GRM8: variants seen among roughly 807,000 people sequenced by gnomAD.
The protein encoded by GRM8 is glutamate metabotropic receptor 8, also known as metabotropic glutamate receptor 8.
A neutral mutation model predicts 87.2 loss-of-function variants in GRM8; 47 were observed. The observed-to-expected ratio is 0.54, with a 90% CI of 0.43 to 0.69. The LOEUF (loss-of-function observed/expected upper bound fraction) is 0.69, where lower values mean the gene tolerates loss of function less well. GRM8 is among the 30% of genes least tolerant of loss of function. The pLI, the probability that GRM8 is intolerant of heterozygous loss-of-function variation, is 0.00. For synonymous variants in GRM8, 396 were observed against 404.5 expected, an observed-to-expected ratio of 0.98 and a Z score of 0.25; for missense variants, 1,019 against 1,139.2, an observed-to-expected ratio of 0.89 and a Z score of 1.52.
chr7:126,746,954 GTGT>G (rs1175071811), intron 7 of GRM8, among the ~76,000 whole-genome samples: 1 of 151,652 alleles, frequency 6.6e-6, no homozygotes, highest in African/African-American at 2.4e-5. Context: ...TGTAGTTACT[GTGT>G]TGTTAATGGT....
At chr7:126,927,531 AC>A (rs1805270860) in intron 3 of GRM8, among the ~76,000 whole-genome samples, 3 of 152,332 alleles carry the variant, frequency 2.0e-5, no homozygotes, top group South Asian at 4.1e-4. Context: ...AAAGAAAAAA[AC>A]AACCCCATCA....
At chr7:126,800,477 A>T (rs572627145) in intron 6 of GRM8, among the ~76,000 whole-genome samples, 71 of 152,212 alleles carry the variant, frequency 4.7e-4, no homozygotes, top group African/African-American at 1.6e-3. Flanking sequence ...CTTATATTCA[A>T]TGAAAAAGAA....
intron 3 of GRM8, among the ~76,000 whole-genome samples, chr7:126,957,348 C>A (rs1315732637): frequency 2.6e-5 from 4 of 152,206 alleles, no homozygotes; most frequent in African/African-American, 9.6e-5. Flanking sequence ...GGCAGGGACA[C>A]CAGCTGAGTG....
chr7:127,186,688 G>A (rs746219168), intron 2 of GRM8, among the ~76,000 whole-genome samples: 11 of 152,118 alleles, frequency 7.2e-5, no homozygotes, highest in South Asian at 2.1e-4. Context: ...AGCATAAAAC[G>A]TGTACAAAGA....
chr7:127,198,115 G>T (rs371322277), intron 2 of GRM8, among the ~76,000 whole-genome samples: 6 of 152,078 alleles, frequency 3.9e-5, no homozygotes, highest in South Asian at 4.1e-4. Flanking sequence ...CAAATTTGGG[G>T]AATACATGTG....
At chr7:126,797,140 CTA>C (rs1238521002) in intron 6 of GRM8, among the ~76,000 whole-genome samples, 1 of 152,092 alleles carries the variant, frequency 6.6e-6, no homozygotes, top group Non-Finnish European at 1.5e-5. Flanking sequence ...TATCCCCACC[CTA>C]TGAGTTATTA....
intron 6 of GRM8, among the ~76,000 whole-genome samples, chr7:126,884,350 T>C (rs903727076): frequency 1.5e-4 from 23 of 152,154 alleles, no homozygotes; most frequent in Middle Eastern, 3.4e-3. Flanking sequence ...TTGTCAAAGA[T>C]AGAAATGTTT....
chr7:127,062,746 G>A (rs1356668926), intron 3 of GRM8, among the ~76,000 whole-genome samples: 1 of 152,162 alleles, frequency 6.6e-6, no homozygotes, highest in African/African-American at 2.4e-5. Context: ...TTGGGAGGGT[G>A]TAATTGTCCA....
chr7:127,020,936 C>T (rs1816201863), intron 3 of GRM8, among the ~76,000 whole-genome samples: 1 of 151,808 alleles, frequency 6.6e-6, no homozygotes, highest in Non-Finnish European at 1.5e-5. Flanking sequence ...ACAGAGCTTC[C>T]CTTAGCTAAG....
intron 9 of GRM8, among the ~76,000 whole-genome samples, chr7:126,498,565 A>C (rs1016330090): frequency 5.9e-5 from 9 of 151,966 alleles, no homozygotes; most frequent in African/African-American, 2.2e-4. Context: ...ACACTCACTC[A>C]CACAGGAGGC....
At chr7:126,648,003 T>A (rs368353212) in intron 7 of GRM8, among the ~76,000 whole-genome samples, 5 of 152,188 alleles carry the variant, frequency 3.3e-5, no homozygotes, top group African/African-American at 9.6e-5. Flanking sequence ...CAATTTAGAT[T>A]CTGGCTAGCT....
Position 126,921,417 on chromosome 7 carries a change from T to C in GRM8, c.728-16734A>G, listed in dbSNP as rs144629790. ...CCCCAAAAGAGAAAATAGAGGCCAT[T>C]ACCAAAGAAAAATTTAAGAATATTT... On this transcript the variant is annotated intron_variant, in intron 3 of 10. Coordinates refer to ENST00000339582, the MANE Select transcript of GRM8 (RefSeq NM_000845.3). 2.0e-3 allele frequency among the ~76,000 whole-genome samples: 304 copies of C among 152,194 alleles called. 2 individuals carry two copies. The highest frequency in any genetic ancestry group is 7.1e-3 in the African/African-American group (294 of 41,552).
At chr7:126,831,635 C>A (rs1352659328) in intron 6 of GRM8, among the ~76,000 whole-genome samples, 2 of 152,174 alleles carry the variant, frequency 1.3e-5, no homozygotes, top group African/African-American at 4.8e-5. Context: ...AGGGAAGTCC[C>A]TGACTCCTTG....
At chr7:127,013,579 T>A (rs1312818659) in intron 3 of GRM8, among the ~76,000 whole-genome samples, 1 of 152,088 alleles carries the variant, frequency 6.6e-6, no homozygotes, top group African/African-American at 2.4e-5. Context: ...GTTACCCTGA[T>A]GTGTAGCCTT....
chr7:126,840,314 A>T (rs1291924329), intron 6 of GRM8, among the ~76,000 whole-genome samples: 1 of 152,198 alleles, frequency 6.6e-6, no homozygotes, highest in African/African-American at 2.4e-5. Flanking sequence ...ATAATTAATT[A>T]GGTTTAGCTC....
At chr7:126,594,080 AAAAGAG>A (rs1416841348) in intron 8 of GRM8, among the ~76,000 whole-genome samples, 3 of 152,118 alleles carry the variant, frequency 2.0e-5, no homozygotes, top group Non-Finnish European at 4.4e-5. Context: ...GCTGTTATCA[AAAAGAG>A]AAAAAGTATT....
chr7:126,626,044 G>T (rs1800641334), intron 7 of GRM8, among the ~76,000 whole-genome samples: 1 of 151,376 alleles, frequency 6.6e-6, no homozygotes, highest in South Asian at 2.1e-4. Flanking sequence ...ATTATAAAAA[G>T]GACTTTGCTT....
At chr7:126,540,445 C>T (rs1049571247) in intron 8 of GRM8, among the ~76,000 whole-genome samples, 2 of 151,852 alleles carry the variant, frequency 1.3e-5, no homozygotes, top group Non-Finnish European at 2.9e-5. Context: ...TAGGTATATA[C>T]CAAAGATAGT....
chr7:127,221,872 G>A (rs1004878465), intron 2 of GRM8, among the ~76,000 whole-genome samples: 1 of 152,070 alleles, frequency 6.6e-6, no homozygotes, highest in Non-Finnish European at 1.5e-5. Flanking sequence ...TCTTCCTCCT[G>A]AGAGAAGCAC....
Sources: allele counts gnomAD v4.1 joint callset (sites outside exome capture counted in the v4.1 genomes callset), GRCh38; gene constraint gnomAD v4.1.1; transcripts MANE v1.5; gene names NCBI Gene and HGNC (gene_info 2026-07-23, HGNC 2026-07-21).